The following HMCN1 variants were observed in gnomAD, a reference collection of about 807,000 sequenced individuals.
HMCN1 encodes hemicentin-1.
Under a neutral mutation model 625.9 loss-of-function variants are expected in HMCN1, and 321 were observed. The ratio of observed to expected loss-of-function variants is 0.51; its 90% CI spans 0.47 to 0.56. The LOEUF is 0.56. HMCN1 is among the 20% of genes least tolerant of loss of function. HMCN1 has a pLI of 0.00. For missense variants in HMCN1, 6,588 were observed against 6,887.3 expected (o/e 0.96, Z 1.54); for synonymous variants, 2,425 against 2,417.6 (o/e 1.00, Z -0.09).
chr1:186,132,228 T>C, intron 85 of HMCN1, 100 bp from the exon 86 acceptor site: 1 of 834,810 alleles, frequency 1.2e-6, no homozygotes, highest in East Asian at 2.6e-5. Flanking sequence ...AAATTCCTTC[T>C]CAAAAATGAA....
chr1:186,190,028 T>C lies in HMCN1; in HGVS notation c.*150T>C. Reference sequence around the variant, plus strand: ...TTTTGTGTGCCTTCCTTGGTACTTCTGAGGTATTTTCATGATCCCACCATG... The same window carrying C: ...TTTTGTGTGCCTTCCTTGGTACTTCCGAGGTATTTTCATGATCCCACCATG... On this transcript the variant is annotated 3_prime_UTR_variant, in exon 107 of 107. Coordinates refer to ENST00000271588, the MANE Select transcript of HMCN1 (RefSeq NM_031935.3). The C allele has an allele frequency of 1.1e-6, 1 of 871,006 alleles. No homozygotes were observed. Among genetic ancestry groups the C allele is most frequent in the Non-Finnish European group, 1.9e-6 (1 of 531,636 alleles). The allele number at this position is 871,006 out of a possible 1,614,324, so 54.0% of individuals were successfully genotyped here.
chr1:185,875,123 A>C (rs1042528742), intron 4 of HMCN1, among the ~76,000 whole-genome samples: 56 of 152,012 alleles, frequency 3.7e-4, no homozygotes, highest in African/African-American at 1.3e-3. Flanking sequence ...TTATGTATGC[A>C]TATTTCTAGA....
intron 4 of HMCN1, among the ~76,000 whole-genome samples, chr1:185,891,607 A>G (rs1665088776): frequency 1.4e-5 from 2 of 147,610 alleles, no homozygotes; most frequent in South Asian, 2.1e-4. Context: ...TGGGTTGAAA[A>G]TTCTTTTCTT....
At chr1:185,850,784 T>C (rs922972034) in intron 2 of HMCN1, among the ~76,000 whole-genome samples, 3 of 151,924 alleles carry the variant, frequency 2.0e-5, no homozygotes, top group Non-Finnish European at 4.4e-5. Flanking sequence ...CTTTTTTTTT[T>C]CTCCCCTTTT....
rs570082092 is a variant in HMCN1, at chr1:186,166,142, G to T, written c.15320-42G>T. 31 of 1,611,408 alleles carry T rather than the reference G, an allele frequency of 1.9e-5. 1 individual carries two copies. In the South Asian group the frequency reaches 3.2e-4, roughly 17 times the overall value. On this transcript the variant is annotated intron_variant, in intron 98 of 106. Transcript: ENST00000271588. ...GCTTTAATAACTCCCAGAAAGTAAG[G>T]ATTTTACATACTGATTTGGGCCTTT... is the stretch of plus-strand genomic sequence containing the variant.
chr1:185,966,001 T>A, intron 14 of HMCN1, 86 bp downstream of exon 14: 2 of 872,420 alleles, frequency 2.3e-6, no homozygotes, highest in South Asian at 2.7e-5. Flanking sequence ...TTTGTTTTGG[T>A]GTGTGACTTA....
chr1:186,020,421 C>T (rs1163260870), intron 35 of HMCN1, among the ~76,000 whole-genome samples: 2 of 151,876 alleles, frequency 1.3e-5, no homozygotes, highest in South Asian at 2.1e-4. Flanking sequence ...TTTTAGTAGA[C>T]GTGGTGGATA....
rs1408558899 is a variant in HMCN1, at chr1:186,069,644, A to G, written c.7880-19A>G. On this transcript the variant is annotated intron_variant, in intron 50 of 106. Transcript: ENST00000271588. ...TCACTGTGATTTTAGAGACTCTTTGATGTCCCATGATTTTACAGGAGGCAG... is the reference window on the plus strand; with the variant it reads ...TCACTGTGATTTTAGAGACTCTTTGGTGTCCCATGATTTTACAGGAGGCAG... 7 of 1,520,956 alleles carry G rather than the reference A, an allele frequency of 4.6e-6. No homozygotes were observed. In the Admixed American group the frequency reaches 1.0e-4, roughly 22 times the overall value. 94.2% of individuals were successfully genotyped at this position (1,520,956 alleles called of 1,614,324 possible).
chr1:185,823,997 C>A (rs73072054), intron 1 of HMCN1, among the ~76,000 whole-genome samples: 4,700 of 152,210 alleles, frequency 0.031, 260 homozygotes, highest in African/African-American at 0.11. Context: ...CCATCATCAC[C>A]ATTCTATGGG....
intron 1 of HMCN1, among the ~76,000 whole-genome samples, chr1:185,790,726 C>A (rs1657930142): frequency 1.3e-5 from 2 of 152,156 alleles, no homozygotes; most frequent in South Asian, 4.1e-4. Context: ...CTGATTGCAT[C>A]CCCCATTATG....
intron 56 of HMCN1, among the ~76,000 whole-genome samples, chr1:186,081,929 C>T (rs1659191562): frequency 1.3e-5 from 2 of 152,134 alleles, no homozygotes; most frequent in Non-Finnish European, 2.9e-5. Flanking sequence ...TGATAAATTA[C>T]TTCTTGAGCA....
intron 1 of HMCN1, among the ~76,000 whole-genome samples, chr1:185,747,292 A>G (rs1036042950): frequency 1.3e-5 from 2 of 152,094 alleles, no homozygotes; most frequent in African/African-American, 4.8e-5. Flanking sequence ...TTAAGTTCTC[A>G]AAATAATTTG....
intron 57 of HMCN1, among the ~76,000 whole-genome samples, chr1:186,085,615 A>C (rs2102394483): frequency 6.6e-6 from 1 of 152,264 alleles, no homozygotes; most frequent in South Asian, 2.1e-4. Flanking sequence ...ACTTTCTCTC[A>C]GTAAGTATTA....
At chr1:186,090,204 C>G (rs770483400) in intron 63 of HMCN1, among the ~76,000 whole-genome samples, 32 of 151,744 alleles carry the variant, frequency 2.1e-4, no homozygotes, top group Non-Finnish European at 3.5e-4. Flanking sequence ...AAAGTGGAAA[C>G]CAAAGATGGC....
intron 2 of HMCN1, among the ~76,000 whole-genome samples, chr1:185,858,119 C>T (rs763826131): frequency 6.6e-5 from 10 of 152,104 alleles, no homozygotes; most frequent in Non-Finnish European, 8.8e-5. Context: ...GTTAGTACTC[C>T]GTCAATAAAA....
At chr1:185,900,243 A>T (rs1334707550) in intron 4 of HMCN1, among the ~76,000 whole-genome samples, 1 of 151,928 alleles carries the variant, frequency 6.6e-6, no homozygotes, top group Non-Finnish European at 1.5e-5. Flanking sequence ...AGATTTGTAC[A>T]GTTGTTTCCA....
chr1:185,758,039 C>T lies in HMCN1; in HGVS notation c.268+22992C>T, dbSNP rs539161231. Among the ~76,000 whole-genome samples the T allele has an allele frequency of 7.2e-5, 11 of 152,228 alleles. No individual in the cohort carries two copies. In the East Asian group the frequency reaches 1.4e-3, roughly 19 times the overall value. On this transcript the variant is annotated intron_variant, in intron 1 of 106. Transcript: ENST00000271588. The stretch of plus-strand genomic sequence containing the variant: ...TAAAAAATCACCCTTATTTAAAATA[C>T]GGATAGAAGAGGCAGTGCTGAAAAT...
intron 97 of HMCN1, among the ~76,000 whole-genome samples, chr1:186,164,504 A>G (rs1651749385): frequency 6.6e-6 from 1 of 152,060 alleles, no homozygotes; most frequent in African/African-American, 2.4e-5. Context: ...CGGCCTCCCA[A>G]AGTGCTGGGA....
At chr1:185,806,575 A>G (rs1659187086) in intron 1 of HMCN1, among the ~76,000 whole-genome samples, 1 of 150,660 alleles carries the variant, frequency 6.6e-6, no homozygotes. Flanking sequence ...AAGACATAAG[A>G]CATCACTTAA....
Sources: allele counts gnomAD v4.1 joint callset (sites outside exome capture counted in the v4.1 genomes callset), GRCh38; gene constraint gnomAD v4.1.1; transcripts MANE v1.5; gene names NCBI Gene and HGNC (gene_info 2026-07-23, HGNC 2026-07-21).